The following MAP3K3 variants were observed in gnomAD, a reference collection of about 807,000 sequenced individuals.
MAP3K3 encodes MAP/ERK kinase kinase 3.
In MAP3K3, 12 loss-of-function variants were observed where a neutral mutation model predicts 80.9. The observed-to-expected ratio is 0.15, with a 90% CI of 0.10 to 0.24. MAP3K3 has a LOEUF of 0.24. MAP3K3 is among the 10% of genes least tolerant of loss of function. MAP3K3 has a pLI of 1.00. For synonymous variants in MAP3K3, 272 were observed against 307.1 expected, an observed-to-expected ratio of 0.89 and a Z score of 1.19; for missense variants, 596 against 834.7, an observed-to-expected ratio of 0.71 and a Z score of 3.52.
chr17:63,632,516 A>G (rs758673041), intron 1 of MAP3K3, among the ~76,000 whole-genome samples, 165 bp from the exon 2 acceptor site: 2 of 152,178 alleles, frequency 1.3e-5, no homozygotes, highest in Non-Finnish European at 2.9e-5. Flanking sequence ...ATCCATTAAA[A>G]TTCAAATTGC....
chr17:63,653,159 C>T (rs1042965952), intron 4 of MAP3K3, among the ~76,000 whole-genome samples: 1 of 152,176 alleles, frequency 6.6e-6, no homozygotes, highest in Non-Finnish European at 1.5e-5. Flanking sequence ...TTTAACTCCT[C>T]CTCCTCCTCA....
chr17:63,626,444 G>A (rs530584240), intron 1 of MAP3K3, among the ~76,000 whole-genome samples: 2 of 152,310 alleles, frequency 1.3e-5, no homozygotes, highest in South Asian at 2.1e-4. Context: ...TTCACTAAAC[G>A]TTAAAATGTA....
At chr17:63,660,754 G>A (rs1232754231) in intron 5 of MAP3K3, among the ~76,000 whole-genome samples, 1 of 151,610 alleles carries the variant, frequency 6.6e-6, no homozygotes, top group African/African-American at 2.4e-5. Context: ...CACCACAACC[G>A]CCTAATTTTG....
intron 2 of MAP3K3, chr17:63,634,640 T>C: frequency 7.8e-7 from 1 of 1,280,738 alleles, no homozygotes; most frequent in Non-Finnish European, 1.1e-6. Context: ...CATGATTTAC[T>C]TCAATGTTGT....
At chr17:63,627,821 T>A (rs961693216) in intron 1 of MAP3K3, among the ~76,000 whole-genome samples, 1 of 152,096 alleles carries the variant, frequency 6.6e-6, no homozygotes, top group Non-Finnish European at 1.5e-5. Context: ...TGGGATCAAG[T>A]GATATGCCCG....
intron 6 of MAP3K3, among the ~76,000 whole-genome samples, chr17:63,669,274 A>G (rs1258699657): frequency 6.6e-6 from 1 of 152,088 alleles, no homozygotes; most frequent in Admixed American, 6.5e-5. Flanking sequence ...CTTTTAGACT[A>G]TGTCTGTGGA....
chr17:63,669,426 T>C (rs963075758), intron 6 of MAP3K3, among the ~76,000 whole-genome samples: 2 of 151,978 alleles, frequency 1.3e-5, no homozygotes, highest in African/African-American at 4.8e-5. Context: ...CCACTGAAAA[T>C]GTTTGCCCCT....
Position 63,692,565 on chromosome 17 carries a change from G to A in MAP3K3, c.1652+146G>A. Reference sequence around the variant, plus strand: ...AGTGTGTGCAAGGGTATTATTGGGTGCAGTAGCACACACACCACATGGGTG... The same window carrying A: ...AGTGTGTGCAAGGGTATTATTGGGTACAGTAGCACACACACCACATGGGTG... On this transcript the variant is annotated intron_variant, in intron 15 of 15. Coordinates refer to ENST00000361733, the MANE Select transcript of MAP3K3 (RefSeq NM_002401.5). The surrounding 1 kb of genome is among the most constrained non-coding windows in gnomAD (Gnocchi z 4.5). 1 of 796,826 alleles carries A rather than the reference G, an allele frequency of 1.3e-6. No homozygotes were observed. The highest frequency in any genetic ancestry group is 1.9e-6 in the Non-Finnish European group (1 of 522,060). 49.4% of individuals were successfully genotyped at this position (796,826 alleles called of 1,614,324 possible).
intron 6 of MAP3K3, among the ~76,000 whole-genome samples, chr17:63,674,082 A>C (rs904187899): frequency 1.4e-4 from 21 of 150,554 alleles, no homozygotes; most frequent in Non-Finnish European, 2.1e-4. Flanking sequence ...TCTGTCTCAA[A>C]AAAAAAAAAA....
Position 63,690,384 on chromosome 17 carries a change from T to A in MAP3K3, c.1184T>A (p.Phe395Tyr). 6.2e-7 allele frequency: 1 copy of A among 1,614,186 alleles called. No homozygotes were observed. The highest frequency in any genetic ancestry group is 1.3e-5 in the African/African-American group (1 of 75,052). ...GRELASKQVQ[F>Y]DPDSPETSKE... The stretch of plus-strand genomic sequence containing the variant: ...GAACTTGCTTCCAAGCAGGTCCAAT[T>A]TGATCCAGACAGTCCTGAGACAAGC... Residue 395 changes from phenylalanine (F) to tyrosine (Y), a missense_variant, in exon 12 of 16, where the codon TTT becomes TAT. Coordinates refer to ENST00000361733, the MANE Select transcript of MAP3K3 (RefSeq NM_002401.5).
intron 7 of MAP3K3, among the ~76,000 whole-genome samples, chr17:63,683,325 C>T (rs773990003): frequency 8.5e-5 from 13 of 152,190 alleles, no homozygotes; most frequent in Non-Finnish European, 1.5e-4. Flanking sequence ...CTGCAGATTT[C>T]CTTTTTGGGC....
intron 6 of MAP3K3, among the ~76,000 whole-genome samples, chr17:63,678,762 G>A (rs1033175266): frequency 6.6e-6 from 1 of 152,226 alleles, no homozygotes; most frequent in Non-Finnish European, 1.5e-5. Flanking sequence ...GGGTGCAGTG[G>A]CTGACGCCTG....
chr17:63,691,751 T>A lies in MAP3K3; in HGVS notation c.1363T>A (p.Leu455Met). 6.2e-7 allele frequency: 1 copy of A among 1,613,998 alleles called. No individual in the cohort carries two copies. Among genetic ancestry groups the A allele is most frequent in the East Asian group, 2.2e-5 (1 of 44,884 alleles). ...CCTCCAGGGCTCGGTGAAAGACCAG[T>A]TGAAGGCTTACGGTGCTCTGACAGA... is the stretch of plus-strand genomic sequence containing the variant. ...YMPGGSVKDQ[L>M]KAYGALTESV... Residue 455 changes from leucine (L) to methionine (M), a missense_variant, in exon 14 of 16, where the codon TTG (leucine) becomes ATG (methionine). By Grantham distance (15) the Leu-to-Met change is conservative (BLOSUM62 2). Around this residue, in one of 2 missense-constraint regions of MAP3K3, gnomAD observed 364 missense variants for 588.9 expected, o/e 0.62. Transcript: ENST00000361733. This position sits in a 1 kb window ranked among gnomAD's most constrained non-coding sequence, Gnocchi z 4.8.
rs113456141 is a variant in MAP3K3 at position 63,660,565 on chromosome 17, A to ATTCTTC, written c.381+2679_381+2684dup. ...TGTGCTATCTCTTTCTTCTCTTTGG[A>ATTCTTC]TTCTTCTTCTTCTTCTTCTTCTTCT... On this transcript the variant is annotated intron_variant, in intron 5 of 15. Transcript: ENST00000361733. Among the ~76,000 whole-genome samples the ATTCTTC allele has an allele frequency of 5.1e-3, 730 of 144,292 alleles. 2 individuals carry two copies. The highest frequency in any genetic ancestry group is 7.2e-3 in the Middle Eastern group (2 of 276). The allele number at this position is 144,292 out of a possible 152,430, so 94.7% of individuals were successfully genotyped here.
chr17:63,661,825 C>T (rs777575835), intron 5 of MAP3K3, among the ~76,000 whole-genome samples: 11 of 152,110 alleles, frequency 7.2e-5, no homozygotes, highest in Non-Finnish European at 1.2e-4. Context: ...AACACTGGGC[C>T]GGGCGCGGTG....
chr17:63,648,451 C>T (rs2034582814), intron 3 of MAP3K3, among the ~76,000 whole-genome samples: 1 of 152,118 alleles, frequency 6.6e-6, no homozygotes, highest in Non-Finnish European at 1.5e-5. Flanking sequence ...TTCAGAAACA[C>T]CTCTATCTAG....
At chr17:63,624,628 C>CA (rs1258359141) in intron 1 of MAP3K3, among the ~76,000 whole-genome samples, 2 of 152,196 alleles carry the variant, frequency 1.3e-5, no homozygotes, top group Non-Finnish European at 2.9e-5. Context: ...CATTTGTCCC[C>CA]ACATCAGTTG....
chr17:63,648,471 C>T (rs1480297276), intron 3 of MAP3K3, among the ~76,000 whole-genome samples: 2 of 152,156 alleles, frequency 1.3e-5, no homozygotes, highest in African/African-American at 2.4e-5. Context: ...GAGAATCCAT[C>T]TAGATAGCAC....
At chr17:63,682,843 C>T (rs1052708564) in intron 7 of MAP3K3, 14 of 152,250 alleles carry the variant, frequency 9.2e-5, no homozygotes, top group Non-Finnish European at 1.3e-4. Context: ...GCTAGACTCA[C>T]GTCACAGGTT....
Sources: gnomAD v4.1 joint callset for allele counts (sites outside exome capture counted in the v4.1 genomes callset) on GRCh38, gnomAD v4.1.1 for gene constraint, gnomAD v4.1.1 regional missense constraint, Gnocchi (gnomAD v3.1) non-coding constraint, MANE v1.5 for transcripts, NCBI Gene and HGNC (gene_info 2026-07-23, HGNC 2026-07-21) for gene names.